Variants in STYK1 observed in about 807,000 individuals in gnomAD.
The protein encoded by STYK1 is STY kinase 1.
STYK1 carries 46 observed loss-of-function variants against 48.1 expected under a neutral mutation model. The ratio of observed to expected loss-of-function variants is 0.96; its 90% CI spans 0.75 to 1.22. The LOEUF is 1.22. STYK1 is among the 50% of genes most tolerant of loss of function. The pLI is 0.00. For synonymous variants in STYK1, 188 were observed against 189.0 expected (o/e 0.99, Z 0.04); for missense variants, 527 against 521.1 (o/e 1.01, Z -0.11).
chr12:10,659,413 T>A (rs1947752309), intron 1 of STYK1, among the ~76,000 whole-genome samples: 1 of 152,336 alleles, frequency 6.6e-6, no homozygotes, highest in East Asian at 1.9e-4. Flanking sequence ...GGATAAACTG[T>A]TTTTATTACC....
intron 1 of STYK1, among the ~76,000 whole-genome samples, chr12:10,649,246 C>T (rs1265675079): frequency 6.6e-6 from 1 of 151,886 alleles, no homozygotes; most frequent in Non-Finnish European, 1.5e-5. Flanking sequence ...AGGGGATATA[C>T]ATGGGAAGTC....
At chr12:10,649,841 A>G (rs7954315) in intron 1 of STYK1, among the ~76,000 whole-genome samples, 149,732 of 152,298 alleles carry the variant, frequency 0.98, 73,651 homozygotes, top group East Asian at 1. Flanking sequence ...GGCCGGGAGC[A>G]GTGGTTCACG....
In STYK1 at chr12:10,629,506, C is replaced by G; in HGVS notation, c.620G>C (p.Trp207Ser). 6.2e-7 allele frequency: 1 copy of G among 1,614,132 alleles called. No homozygotes were observed. The highest frequency in any genetic ancestry group is 8.5e-7 in the Non-Finnish European group (1 of 1,180,020). The change falls in exon 6 of 11, where the codon TGG (tryptophan) becomes TCG (serine). Residue 207 changes from tryptophan to serine, a missense_variant. Physicochemically the swap from Trp to Ser is radical, Grantham distance 177. Transcript: ENST00000075503. Reference protein sequence around the residue: ...VAQGDLLSFLWTCRRDVMTMD... With the variant: ...VAQGDLLSFLSTCRRDVMTMD... ...CCTACTGCTCACCCGCCGACAGGTCCAGAGAAAGCTGAGCAGGTCCCCCTG... is the reference window on the plus strand; with the variant it reads ...CCTACTGCTCACCCGCCGACAGGTCGAGAGAAAGCTGAGCAGGTCCCCCTG...
chr12:10,664,064 C>T (rs1042737491), intron 1 of STYK1, among the ~76,000 whole-genome samples: 1 of 152,158 alleles, frequency 6.6e-6, no homozygotes, highest in East Asian at 1.9e-4. Context: ...CAACAAATGC[C>T]TCCCAGTCCC....
intron 7 of STYK1, among the ~76,000 whole-genome samples, chr12:10,625,680 G>T (rs568056209): frequency 1.3e-5 from 2 of 152,118 alleles, no homozygotes; most frequent in African/African-American, 4.8e-5. Flanking sequence ...ATTACAAAAG[G>T]CCACAGAGTT....
At chr12:10,620,923 C>A (rs540884755) in intron 10 of STYK1, among the ~76,000 whole-genome samples, 77 of 152,072 alleles carry the variant, frequency 5.1e-4, no homozygotes, top group Non-Finnish European at 9.1e-4. Context: ...TAAGACCAGC[C>A]TTTAACACAT....
At chr12:10,659,614 G>C (rs1200386071) in intron 1 of STYK1, among the ~76,000 whole-genome samples, 1 of 152,260 alleles carries the variant, frequency 6.6e-6, no homozygotes, top group Middle Eastern at 3.4e-3. Flanking sequence ...AAGAGGAGGA[G>C]AATTTATCCA....
intron 1 of STYK1, among the ~76,000 whole-genome samples, chr12:10,646,196 G>C (rs1947597228): frequency 6.6e-6 from 1 of 152,220 alleles, no homozygotes; most frequent in African/African-American, 2.4e-5. Flanking sequence ...GAACAGTTTG[G>C]AGGGCTCAGA....
intron 1 of STYK1, chr12:10,640,768 A>G (rs1947534890): frequency 6.6e-6 from 1 of 152,146 alleles, no homozygotes; most frequent in African/African-American, 2.4e-5. Flanking sequence ...TGAGATGAGG[A>G]AGCTTAGTCT....
chr12:10,625,248 C>G (rs978535164), intron 7 of STYK1, among the ~76,000 whole-genome samples: 1 of 151,978 alleles, frequency 6.6e-6, no homozygotes, highest in Non-Finnish European at 1.5e-5. Flanking sequence ...GAGACAGTCT[C>G]GCTCTGTCAC....
At chr12:10,633,673 T>C (rs1947453449) in intron 4 of STYK1, among the ~76,000 whole-genome samples, 1 of 152,184 alleles carries the variant, frequency 6.6e-6, no homozygotes, top group Non-Finnish European at 1.5e-5. Flanking sequence ...CCTTGGACTT[T>C]ACCCCCTTAG....
At chr12:10,630,936 C>G in intron 5 of STYK1, 109 bp downstream of exon 5, 1 of 1,415,268 alleles carries the variant, frequency 7.1e-7, no homozygotes. Context: ...TTACCTTCTT[C>G]TGTACACAGT....
At chr12:10,622,546 AC>A in intron 9 of STYK1, 91 bp downstream of exon 9, 5 of 1,455,398 alleles carry the variant, frequency 3.4e-6, no homozygotes, top group Non-Finnish European at 4.8e-6. Flanking sequence ...CTGTACTGAA[AC>A]CCTTTCAGAA....
intron 1 of STYK1, among the ~76,000 whole-genome samples, chr12:10,654,893 T>C (rs1254710810): frequency 6.6e-6 from 1 of 152,042 alleles, no homozygotes; most frequent in Non-Finnish European, 1.5e-5. Context: ...CACGGGGAGC[T>C]TTTTTCTCCC....
At chr12:10,656,122 G>C (rs1180448195) in intron 1 of STYK1, among the ~76,000 whole-genome samples, 1 of 152,136 alleles carries the variant, frequency 6.6e-6, no homozygotes, top group Non-Finnish European at 1.5e-5. Flanking sequence ...TAAGTCTCGT[G>C]AGACCTGATA....
chr12:10,627,422 C>T (rs2417910), intron 7 of STYK1, among the ~76,000 whole-genome samples: 142,964 of 152,250 alleles, frequency 0.94, 67,754 homozygotes, highest in East Asian at 1. Context: ...ACTACTTTCT[C>T]CCTGAAATTA....
At chr12:10,653,857 G>C (rs891060401) in intron 1 of STYK1, among the ~76,000 whole-genome samples, 1 of 152,218 alleles carries the variant, frequency 6.6e-6, no homozygotes, top group Non-Finnish European at 1.5e-5. Flanking sequence ...ATTTGAACCA[G>C]AGCAGCTCCA....
At chr12:10,666,865 A>C (rs1419858832) in intron 1 of STYK1, among the ~76,000 whole-genome samples, 1 of 152,030 alleles carries the variant, frequency 6.6e-6, no homozygotes, top group Non-Finnish European at 1.5e-5. Context: ...AGTCAATTAA[A>C]CCTCTTTTCC....
At chr12:10,628,006 G>A (rs1947379673) in intron 6 of STYK1, among the ~76,000 whole-genome samples, 1 of 152,192 alleles carries the variant, frequency 6.6e-6, no homozygotes. Context: ...AGGGCTCTGT[G>A]TGTGTGCTTG....
Sources: gnomAD v4.1 joint callset for allele counts (sites outside exome capture counted in the v4.1 genomes callset) on GRCh38, gnomAD v4.1.1 for gene constraint, MANE v1.5 for transcripts, NCBI Gene and HGNC (gene_info 2026-07-23, HGNC 2026-07-21) for gene names.